TBC1D22A: variants seen among roughly 807,000 people sequenced by gnomAD.
TBC1D22A encodes TBC1 domain family member 22A.
In TBC1D22A, 38 loss-of-function variants were observed where a neutral mutation model predicts 60.2. That is an observed-to-expected ratio of 0.63 (90% CI 0.49 to 0.83). The LOEUF (loss-of-function observed/expected upper bound fraction) is 0.83. TBC1D22A is among the 40% of genes least tolerant of loss of function. The pLI is 0.00. For missense variants in TBC1D22A, 628 were observed against 701.0 expected (o/e 0.90, Z 1.18); for synonymous variants, 302 against 281.7 (o/e 1.07, Z -0.72).
intron 4 of TBC1D22A, among the ~76,000 whole-genome samples, chr22:46,856,387 C>A (rs934841909): frequency 1.3e-5 from 2 of 152,154 alleles, no homozygotes; most frequent in Non-Finnish European, 2.9e-5. Context: ...TGAGCTGAGT[C>A]CTGCTGTATA....
intron 1 of TBC1D22A, among the ~76,000 whole-genome samples, chr22:46,766,353 ACTC>A (rs1395223605): frequency 6.8e-6 from 1 of 146,200 alleles, no homozygotes; most frequent in Non-Finnish European, 1.5e-5. Context: ...CTGGTCTTGA[ACTC>A]CTGATCATGT....
At chr22:46,981,136 T>G (rs1229265072) in intron 9 of TBC1D22A, among the ~76,000 whole-genome samples, 1 of 152,190 alleles carries the variant, frequency 6.6e-6, no homozygotes, top group Non-Finnish European at 1.5e-5. Context: ...CAGAAAGCAT[T>G]CCTAGAGACA....
intron 4 of TBC1D22A, among the ~76,000 whole-genome samples, chr22:46,828,410 A>G (rs149813841): frequency 1.1e-3 from 162 of 152,350 alleles, no homozygotes; most frequent in Middle Eastern, 3.4e-3. Context: ...TTGAAGAACT[A>G]CCTGGGCCAC....
intron 7 of TBC1D22A, among the ~76,000 whole-genome samples, chr22:46,905,531 G>A (rs1341641544): frequency 2.6e-5 from 4 of 152,264 alleles, no homozygotes; most frequent in Non-Finnish European, 4.4e-5. Flanking sequence ...TTCCAGCCCT[G>A]CAGCCGGCCC....
intron 10 of TBC1D22A, among the ~76,000 whole-genome samples, chr22:47,003,941 CA>C (rs2061491020): frequency 1.4e-5 from 2 of 146,632 alleles, no homozygotes; most frequent in African/African-American, 2.6e-5. Context: ...TGCCTGTATA[CA>C]CACACCCTAC....
intron 10 of TBC1D22A, among the ~76,000 whole-genome samples, chr22:47,006,187 A>G (rs1439077415): frequency 6.6e-6 from 1 of 152,206 alleles, no homozygotes; most frequent in Non-Finnish European, 1.5e-5. Context: ...TTGATGTGTC[A>G]GAGGAGGGTC....
chr22:46,875,476 C>T (rs1390947221), intron 4 of TBC1D22A, among the ~76,000 whole-genome samples: 6 of 151,350 alleles, frequency 4.0e-5, no homozygotes, highest in Admixed American at 3.9e-4. Flanking sequence ...TTTTTTGAGA[C>T]AGAGTCTCAC....
chr22:47,003,681 A>G (rs1244609692), intron 10 of TBC1D22A, among the ~76,000 whole-genome samples: 5 of 119,634 alleles, frequency 4.2e-5, no homozygotes, highest in Non-Finnish European at 8.0e-5. Flanking sequence ...CCCTACACAC[A>G]TGCCTGTATA....
chr22:47,163,745 G>A (rs2068085488), intron 12 of TBC1D22A, among the ~76,000 whole-genome samples: 1 of 152,232 alleles, frequency 6.6e-6, no homozygotes, highest in African/African-American at 2.4e-5. Context: ...GTGCCTGCAT[G>A]CAGCCGGGGC....
intron 11 of TBC1D22A, among the ~76,000 whole-genome samples, chr22:47,051,304 C>G (rs2063208089): frequency 6.6e-6 from 1 of 152,178 alleles, no homozygotes; most frequent in African/African-American, 2.4e-5. Flanking sequence ...GAGAAGGTAC[C>G]TGGTTATAGA....
chr22:47,051,875 A>C (rs1306711098), intron 11 of TBC1D22A, among the ~76,000 whole-genome samples: 2 of 152,236 alleles, frequency 1.3e-5, no homozygotes, highest in Non-Finnish European at 2.9e-5. Context: ...TCTCCTGGCC[A>C]CCTGCTGTTC....
At chr22:47,157,609 G>A (rs1003302053) in intron 12 of TBC1D22A, among the ~76,000 whole-genome samples, 2 of 152,336 alleles carry the variant, frequency 1.3e-5, no homozygotes, top group South Asian at 4.1e-4. Flanking sequence ...ATGGCTCCTC[G>A]CTTCAGAGCG....
At chr22:47,159,066 A>G (rs1251373348) in intron 12 of TBC1D22A, among the ~76,000 whole-genome samples, 3 of 150,464 alleles carry the variant, frequency 2.0e-5, no homozygotes, top group Middle Eastern at 3.2e-3. Flanking sequence ...ATACACAGAC[A>G]CCACACACAA....
chr22:46,783,654 T>A (rs11705651), intron 1 of TBC1D22A, among the ~76,000 whole-genome samples: 1,868 of 133,448 alleles, frequency 0.014, 19 homozygotes, highest in Non-Finnish European at 0.018. Flanking sequence ...ATTTAAAAAA[T>A]TTTTTTAAAG....
chr22:46,830,868 TC>T (rs1340280149), intron 4 of TBC1D22A, among the ~76,000 whole-genome samples: 45 of 152,294 alleles, frequency 3.0e-4, no homozygotes, highest in African/African-American at 1.0e-3. Context: ...CCGAGCGGGC[TC>T]TGGGCAGAGG....
At chr22:47,139,670 C>G (rs1028839296) in intron 12 of TBC1D22A, among the ~76,000 whole-genome samples, 15 of 152,186 alleles carry the variant, frequency 9.9e-5, no homozygotes, top group African/African-American at 3.6e-4. Flanking sequence ...CCCCCTGCTT[C>G]CAGCCACTTA....
intron 12 of TBC1D22A, among the ~76,000 whole-genome samples, chr22:47,170,708 C>T (rs9626958): frequency 4.9e-5 from 7 of 144,244 alleles, no homozygotes; most frequent in Admixed American, 1.4e-4. Context: ...GTGTGTAACC[C>T]TCCTGATGCA....
At chr22:46,937,258 A>C (rs2071708724) in intron 8 of TBC1D22A, among the ~76,000 whole-genome samples, 1 of 152,224 alleles carries the variant, frequency 6.6e-6, no homozygotes, top group Non-Finnish European at 1.5e-5. Flanking sequence ...TGCAGTTACC[A>C]CATGGACCCA....
intron 11 of TBC1D22A, among the ~76,000 whole-genome samples, chr22:47,042,400 A>G (rs1003955373): frequency 2.9e-5 from 4 of 138,424 alleles, no homozygotes; most frequent in Non-Finnish European, 6.3e-5. Flanking sequence ...GCCAGCCTGT[A>G]TGAGAGAGAG....
Sources: allele counts gnomAD v4.1 joint callset (sites outside exome capture counted in the v4.1 genomes callset), GRCh38; gene constraint gnomAD v4.1.1; transcripts MANE v1.5; gene names NCBI Gene and HGNC (gene_info 2026-07-23, HGNC 2026-07-21).